PTPRF: variants seen among roughly 807,000 people sequenced by gnomAD.
PTPRF encodes the protein receptor-type tyrosine-protein phosphatase F.
Under a neutral mutation model 201.8 loss-of-function variants are expected in PTPRF, and 59 were observed. The observed-to-expected ratio is 0.29, with a 90% CI of 0.24 to 0.36. The LOEUF is 0.36. Among genes scored for constraint, PTPRF ranks in the 10% least tolerant of loss-of-function variants. The probability of loss-of-function intolerance (pLI) is 1.00; values close to 1 mark genes in which losing one functional copy is unlikely to be tolerated. For synonymous variants in PTPRF, 1,088 were observed against 1,089.7 expected (o/e 1.00, Z 0.03); for missense variants, 2,132 against 2,690.5 (o/e 0.79, Z 4.59).
rs17849112 is a variant in PTPRF, at chr1:43,609,557, G to A, written c.3973+59G>A. ...CCAGACCTAGCAGGCCTGTGGGTCT[G>A]TTCTGCAGGTCTCAGGGTCGCCACT... On this transcript the variant is annotated intron_variant, in intron 22 of 33. Transcript: ENST00000359947. 1.0e-4 allele frequency: 132 copies of A among 1,284,100 alleles called. 1 individual carries two copies. In the East Asian group the frequency reaches 2.8e-3, roughly 27 times the overall value. The allele number at this position is 1,284,100 out of a possible 1,614,324, so 79.5% of individuals were successfully genotyped here.
At chr1:43,592,332 T>C (rs1306041950) in intron 10 of PTPRF, 125 bp from the exon 11 acceptor site, 10 of 1,200,150 alleles carry the variant, frequency 8.3e-6, no homozygotes, top group Non-Finnish European at 1.2e-5. Flanking sequence ...TGTGGCCTTA[T>C]GGTGTGGAGC....
At chr1:43,615,220 G>A (rs570311039) in intron 23 of PTPRF, among the ~76,000 whole-genome samples, 111 of 152,344 alleles carry the variant, frequency 7.3e-4, no homozygotes, top group African/African-American at 2.5e-3. Flanking sequence ...CAACCGTGCT[G>A]CCTCTGCCTA....
At chr1:43,568,236 G>A (rs992836782) in intron 5 of PTPRF, among the ~76,000 whole-genome samples, 10 of 151,524 alleles carry the variant, frequency 6.6e-5, no homozygotes, top group Admixed American at 2.6e-4. Flanking sequence ...CGGAGGTTGC[G>A]GTGAGCTGAG....
chr1:43,591,838 G>A lies in PTPRF; in HGVS notation c.1558G>A (p.Ala520Thr). Reference sequence around the variant, plus strand: ...GCCTGCCCAGCCCGCGGACTTCCAGGCCGAGGTGGAGTCGGACACCAGGAT... The same window carrying A: ...GCCTGCCCAGCCCGCGGACTTCCAGACCGAGGTGGAGTCGGACACCAGGAT... ...GVPAQPADFQ[A>T]EVESDTRIQL... is the part of the protein sequence containing the mutation. Residue 520 changes from alanine to threonine, a missense_variant, in exon 10 of 34, where the codon GCC (alanine) becomes ACC (threonine). Transcript: ENST00000359947. 6.2e-7 allele frequency: 1 copy of A among 1,613,392 alleles called. No individual in the cohort carries two copies. The highest frequency in any genetic ancestry group is 8.5e-7 in the Non-Finnish European group (1 of 1,180,000).
chr1:43,543,018 T>C (rs1172634814), intron 2 of PTPRF, among the ~76,000 whole-genome samples: 1 of 152,178 alleles, frequency 6.6e-6, no homozygotes, highest in African/African-American at 2.4e-5. Flanking sequence ...TATATTGTTA[T>C]ACCCGATGAT....
rs768437926 is a variant in PTPRF at position 43,588,690 on chromosome 1, T to C, written c.680-41T>C. 1.9e-6 allele frequency: 3 copies of C among 1,605,928 alleles called. No individual in the cohort carries two copies. Among genetic ancestry groups the C allele is most frequent in the Non-Finnish European group, 2.5e-6 (3 of 1,177,670 alleles). Reference sequence around the variant, plus strand: ...CCCTGCCCTTCCATGCAGTCGTGTGTCCTGCCCGGCCTGTGAGTGCCTCTC... The same window carrying C: ...CCCTGCCCTTCCATGCAGTCGTGTGCCCTGCCCGGCCTGTGAGTGCCTCTC... On this transcript the variant is annotated intron_variant, in intron 7 of 33. Transcript: ENST00000359947. The surrounding 1 kb of genome is among the most constrained non-coding windows in gnomAD (Gnocchi z 5.3).
At chr1:43,550,963 A>G (rs1288516718) in intron 3 of PTPRF, among the ~76,000 whole-genome samples, 2 of 152,222 alleles carry the variant, frequency 1.3e-5, no homozygotes, top group African/African-American at 4.8e-5. Context: ...TAGAGGAGCC[A>G]AAGCTGGGGC....
At chr1:43,545,251 G>A in intron 3 of PTPRF, 85 bp downstream of exon 3, 1 of 1,386,340 alleles carries the variant, frequency 7.2e-7, no homozygotes, top group Non-Finnish European at 9.9e-7. Context: ...GGACAGACCG[G>A]CTACTAGGAG....
chr1:43,585,865 C>T (rs890002430), intron 7 of PTPRF, among the ~76,000 whole-genome samples: 7 of 152,124 alleles, frequency 4.6e-5, no homozygotes, highest in Admixed American at 4.6e-4. Context: ...TGATTAGGCC[C>T]CATGATTCCA....
chr1:43,565,833 C>T (rs1007234737), intron 5 of PTPRF, among the ~76,000 whole-genome samples: 1 of 152,254 alleles, frequency 6.6e-6, no homozygotes, highest in South Asian at 2.1e-4. Flanking sequence ...GGGCGGACAG[C>T]GGACGCGCGC....
intron 1 of PTPRF, among the ~76,000 whole-genome samples, chr1:43,534,929 T>A (rs1557657343): frequency 6.6e-6 from 1 of 152,200 alleles, no homozygotes; most frequent in Non-Finnish European, 1.5e-5. Flanking sequence ...AACCCGTGCC[T>A]TATAAGGGTT....
At chr1:43,607,634 G>A (rs766546400) in intron 21 of PTPRF, among the ~76,000 whole-genome samples, 4 of 152,174 alleles carry the variant, frequency 2.6e-5, no homozygotes, top group Non-Finnish European at 5.9e-5. Flanking sequence ...GGCTGCCCAC[G>A]TAAAGCCCAC....
At chr1:43,543,726 A>G (rs571997256) in intron 2 of PTPRF, among the ~76,000 whole-genome samples, 1 of 151,938 alleles carries the variant, frequency 6.6e-6, no homozygotes, top group African/African-American at 2.4e-5. Context: ...TCACCTTGCA[A>G]ATTCTCTTAC....
chr1:43,561,235 T>A (rs796985955), intron 5 of PTPRF, among the ~76,000 whole-genome samples: 5 of 152,308 alleles, frequency 3.3e-5, no homozygotes, highest in African/African-American at 1.2e-4. Context: ...GGGCTGGAAC[T>A]GGAGCAGAGC....
At chr1:43,609,343 G>A in intron 21 of PTPRF, 40 bp from the exon 22 acceptor site, 1 of 1,553,380 alleles carries the variant, frequency 6.4e-7, no homozygotes, top group Non-Finnish European at 8.9e-7. Context: ...GTCTCAGCCT[G>A]GACCTCAGGT....
At chr1:43,593,356 G>A (rs1651371166) in intron 11 of PTPRF, among the ~76,000 whole-genome samples, 1 of 152,166 alleles carries the variant, frequency 6.6e-6, no homozygotes, top group Non-Finnish European at 1.5e-5. Context: ...CTTTGTGGGC[G>A]ACTCTGGCCT....
rs187739276 is a variant in PTPRF, at chr1:43,532,330, C to G, written c.-126+1240C>G. Among the ~76,000 whole-genome samples, 772 of 152,322 alleles carry G rather than the reference C, an allele frequency of 5.1e-3. 9 individuals are homozygous for G. The highest frequency in any genetic ancestry group is 0.018 in the African/African-American group (750 of 41,568). Reference sequence around the variant, plus strand: ...GTTGGGGGTGGGGAGCGCTACCTGCCTGAGCTGTGAAATGGGAGAGGGAGG... The same window carrying G: ...GTTGGGGGTGGGGAGCGCTACCTGCGTGAGCTGTGAAATGGGAGAGGGAGG... On this transcript the variant is annotated intron_variant, in intron 1 of 33. Transcript: ENST00000359947.
chr1:43,550,189 C>A (rs563908509), intron 3 of PTPRF, among the ~76,000 whole-genome samples: 2 of 152,172 alleles, frequency 1.3e-5, no homozygotes, highest in East Asian at 3.9e-4. Context: ...TCTCCAGCCT[C>A]CAAGGGAGGG....
At chr1:43,555,749 C>T (rs1175382691) in intron 5 of PTPRF, among the ~76,000 whole-genome samples, 4 of 152,208 alleles carry the variant, frequency 2.6e-5, no homozygotes, top group African/African-American at 9.6e-5. Context: ...CAGCCTGTAT[C>T]ATTATCCTTA....
Sources: allele counts gnomAD v4.1 joint callset (sites outside exome capture counted in the v4.1 genomes callset), GRCh38; gene constraint gnomAD v4.1.1; non-coding constraint Gnocchi (gnomAD v3.1); transcripts MANE v1.5; gene names NCBI Gene and HGNC (gene_info 2026-07-23, HGNC 2026-07-21).